LRIT3: variants seen among roughly 807,000 people sequenced by gnomAD.
The protein encoded by LRIT3 is leucine rich repeat, Ig-like and transmembrane domains 3, also known as leucine-rich repeat, immunoglobulin-like domain and transmembrane domain-containing protein 3.
In LRIT3, 14 loss-of-function variants were observed where a neutral mutation model predicts 22.6. The observed-to-expected ratio is 0.62, with a 90% CI of 0.41 to 0.97. LRIT3 has a LOEUF of 0.97. LRIT3 is among the 50% of genes least tolerant of loss of function. LRIT3 has a pLI of 0.00. For synonymous variants in LRIT3, 306 were observed against 304.5 expected, an observed-to-expected ratio of 1.01 and a Z score of -0.05; for missense variants, 783 against 803.0, an observed-to-expected ratio of 0.98 and a Z score of 0.30.
At position 109,854,814 on chromosome 4, in the gene LRIT3, G is replaced by A. The variant is rs372388300; in HGVS notation, c.589+2838G>A. ...GAATTTTATAGAAGGCCTTTTCTGC[G>A]ACTATTGAGATAATCATGTGCTTTT... On this transcript the variant is annotated intron_variant, in intron 2 of 3. Coordinates refer to ENST00000594814, the MANE Select transcript of LRIT3 (RefSeq NM_198506.5). Among the ~76,000 whole-genome samples the A allele has an allele frequency of 7.8e-4, 119 of 152,116 alleles. 1 individual carries two copies. Among genetic ancestry groups the A allele is most frequent in the African/African-American group, 2.5e-3 (103 of 41,528 alleles).
rs1343681566 is a variant in LRIT3 at position 109,871,670 on chromosome 4, A to G, written c.*881A>G. Reference sequence around the variant, plus strand: ...CGAGCCAAGCTGTTTGTCTTTTGCCATATTGTCTTTTGATTCTCTTGATAA... The same window carrying G: ...CGAGCCAAGCTGTTTGTCTTTTGCCGTATTGTCTTTTGATTCTCTTGATAA... On this transcript the variant is annotated 3_prime_UTR_variant, in exon 4 of 4. Transcript: ENST00000594814. 3 of 151,986 alleles carry G rather than the reference A, an allele frequency of 2.0e-5. No homozygotes were observed. Among genetic ancestry groups the G allele is most frequent in the East Asian group, 1.9e-4 (1 of 5,192 alleles). 9.4% of individuals were successfully genotyped at this position (151,986 alleles called of 1,614,324 possible).
chr4:109,871,862 A>G lies in LRIT3; in HGVS notation c.*1073A>G, dbSNP rs1358838081. On this transcript the variant is annotated 3_prime_UTR_variant, in exon 4 of 4. Coordinates refer to ENST00000594814, the MANE Select transcript of LRIT3 (RefSeq NM_198506.5). ...AAATACATAGGAAAGGAGTTCACAAATAAAATTTAGTTTTTTTAGAAAGAG... is the reference window on the plus strand; with the variant it reads ...AAATACATAGGAAAGGAGTTCACAAGTAAAATTTAGTTTTTTTAGAAAGAG... 6.6e-6 allele frequency: 1 copy of G among 152,222 alleles called. No individual in the cohort carries two copies. The highest frequency in any genetic ancestry group is 2.4e-5 in the African/African-American group (1 of 41,458). 9.4% of individuals were successfully genotyped at this position (152,222 alleles called of 1,614,324 possible). A position where few individuals can be genotyped will look rare whatever the true frequency, so the allele number is the denominator to read the frequency against.
intron 2 of LRIT3, among the ~76,000 whole-genome samples, chr4:109,858,312 T>C (rs1171309926): frequency 6.6e-6 from 1 of 152,138 alleles, no homozygotes; most frequent in Non-Finnish European, 1.5e-5. Context: ...CCTGGATCGC[T>C]GGAGACAAGT....
chr4:109,851,368 G>A, intron 1 of LRIT3, 136 bp from the exon 2 acceptor site: 6 of 1,237,418 alleles, frequency 4.8e-6, no homozygotes, highest in Non-Finnish European at 3.3e-6. Context: ...GCCCTCCTCG[G>A]CCTCCCAAAG....
rs753390159 is a variant in LRIT3, at chr4:109,870,887, A to T, written c.*98A>T. 2.3e-5 allele frequency: 29 copies of T among 1,251,704 alleles called. No individual in the cohort carries two copies. Among genetic ancestry groups the T allele is most frequent in the Non-Finnish European group, 3.0e-5 (28 of 921,568 alleles). The allele number at this position is 1,251,704 out of a possible 1,614,324, so 77.5% of individuals were successfully genotyped here. On this transcript the variant is annotated 3_prime_UTR_variant, in exon 4 of 4. Coordinates refer to ENST00000594814, the MANE Select transcript of LRIT3 (RefSeq NM_198506.5). ...ACTTTTGGACAGACTTTCACATTGT[A>T]CATGAAAATCACAAATGGAATGCTT... is the stretch of plus-strand genomic sequence containing the variant.
chr4:109,860,434 G>T (rs1277353132), intron 2 of LRIT3, among the ~76,000 whole-genome samples: 1 of 152,168 alleles, frequency 6.6e-6, no homozygotes, highest in Admixed American at 6.5e-5. Context: ...CATAGGTAAG[G>T]TTTATGCCTT....
chr4:109,867,924 C>G lies in LRIT3; in HGVS notation c.873C>G (p.Asp291Glu). The change falls in exon 3 of 4, where the codon GAC becomes GAG. Residue 291 changes from aspartate to glutamate, a missense_variant. This residue lies in a region of LRIT3 where 756 missense variants were observed against 753.8 expected (regional missense o/e 1.00). Coordinates refer to ENST00000594814, the MANE Select transcript of LRIT3 (RefSeq NM_198506.5). ...PTPQITWTRS[D>E]SSPVNYTVIQ... Reference sequence around the variant, plus strand: ...CACAGATCACATGGACCAGATCTGACAGCTCGCCAGTTAATTATACAGGTA... The same window carrying G: ...CACAGATCACATGGACCAGATCTGAGAGCTCGCCAGTTAATTATACAGGTA... 6.2e-7 allele frequency: 1 copy of G among 1,610,808 alleles called. No individual in the cohort carries two copies. The highest frequency in any genetic ancestry group is 8.5e-7 in the Non-Finnish European group (1 of 1,177,958).
chr4:109,867,191 A>G (rs1178364282), intron 2 of LRIT3, among the ~76,000 whole-genome samples: 3 of 152,064 alleles, frequency 2.0e-5, no homozygotes, highest in African/African-American at 2.4e-5. Context: ...ATGGCATTCT[A>G]TGGTACCTGG....
chr4:109,854,557 AC>A (rs1734355031), intron 2 of LRIT3, among the ~76,000 whole-genome samples: 1 of 152,180 alleles, frequency 6.6e-6, no homozygotes, highest in African/African-American at 2.4e-5. Flanking sequence ...CTATTTGAAT[AC>A]CCTTTATTTC....
At chr4:109,861,048 T>C (rs980867284) in intron 2 of LRIT3, among the ~76,000 whole-genome samples, 8 of 152,166 alleles carry the variant, frequency 5.3e-5, no homozygotes, top group African/African-American at 1.9e-4. Flanking sequence ...TTGGATAAAT[T>C]CCTAGAATTG....
chr4:109,856,908 G>C (rs1052287189), intron 2 of LRIT3, among the ~76,000 whole-genome samples: 1 of 152,060 alleles, frequency 6.6e-6, no homozygotes, highest in Non-Finnish European at 1.5e-5. Context: ...CAGCAATCAA[G>C]CCCATTATTA....
At chr4:109,867,977 G>A in intron 3 of LRIT3, 31 bp downstream of exon 3, 1 of 1,580,120 alleles carries the variant, frequency 6.3e-7, no homozygotes, top group Non-Finnish European at 8.6e-7. Context: ...CATGATCAAA[G>A]GAGTTTACTA....
At chr4:109,865,034 T>C in intron 2 of LRIT3, 1 of 1,394,586 alleles carries the variant, frequency 7.2e-7, no homozygotes, top group Non-Finnish European at 9.3e-7. Context: ...TTCTGCTTTT[T>C]ACTGAGTGAT....
chr4:109,870,265 A>G lies in LRIT3; in HGVS notation c.1516A>G (p.Met506Val). The G allele has an allele frequency of 6.2e-7, 1 of 1,614,216 alleles. No individual in the cohort carries two copies. Among genetic ancestry groups the G allele is most frequent in the South Asian group, 1.1e-5 (1 of 91,082 alleles). Residue 506 changes from methionine (M) to valine (V), a missense_variant, in exon 4 of 4, where the codon ATG becomes GTG. Met to Val is a conservative substitution (Grantham distance 21). This residue lies in a region of LRIT3 where 756 missense variants were observed against 753.8 expected (regional missense o/e 1.00). Transcript: ENST00000594814. ...TKESVTLTWN[M>V]INTTHNSAVT... ...AGAGAGTGTGACATTGACGTGGAATATGATCAACACCACACATAACTCTGC... is the reference window on the plus strand; with the variant it reads ...AGAGAGTGTGACATTGACGTGGAATGTGATCAACACCACACATAACTCTGC...
At chr4:109,867,978 G>A (rs1337461783) in intron 3 of LRIT3, 32 bp downstream of exon 3, 1 of 1,576,646 alleles carries the variant, frequency 6.3e-7, no homozygotes, top group Non-Finnish European at 8.6e-7. Flanking sequence ...ATGATCAAAG[G>A]AGTTTACTAA....
intron 2 of LRIT3, chr4:109,865,398 T>A: frequency 8.4e-7 from 1 of 1,188,766 alleles, no homozygotes; most frequent in Non-Finnish European, 1.2e-6. Flanking sequence ...TATCTGGTGG[T>A]GAAATGGGTT....
intron 2 of LRIT3, among the ~76,000 whole-genome samples, chr4:109,860,208 A>G (rs993902933): frequency 1.3e-5 from 2 of 152,206 alleles, no homozygotes; most frequent in Non-Finnish European, 2.9e-5. Context: ...TAAAACATAA[A>G]ATGCTTTTTT....
chr4:109,869,893 G>T lies in LRIT3; in HGVS notation c.1144G>T (p.Ala382Ser), dbSNP rs761341365. The T allele has an allele frequency of 1.9e-6, 3 of 1,614,112 alleles. No homozygotes were observed. Among genetic ancestry groups the T allele is most frequent in the Non-Finnish European group, 2.5e-6 (3 of 1,180,008 alleles). ...GSGRSTSVSS[A>S]SSYLWSSSFS... ...TGGAAGATCTACATCTGTATCTAGCGCATCATCATATCTTTGGTCCTCTTC... is the reference window on the plus strand; with the variant it reads ...TGGAAGATCTACATCTGTATCTAGCTCATCATCATATCTTTGGTCCTCTTC... The change falls in exon 4 of 4, where the codon GCA becomes TCA. Residue 382 changes from alanine to serine, a missense_variant. Transcript: ENST00000594814.
intron 2 of LRIT3, among the ~76,000 whole-genome samples, chr4:109,854,595 T>C (rs562166827): frequency 8.5e-5 from 13 of 152,326 alleles, no homozygotes; most frequent in Admixed American, 7.9e-4. Flanking sequence ...TGGCCAGAGC[T>C]TCCAATACTG....
Sources: gnomAD v4.1 joint callset for allele counts (sites outside exome capture counted in the v4.1 genomes callset) on GRCh38, gnomAD v4.1.1 for gene constraint, gnomAD v4.1.1 regional missense constraint, MANE v1.5 for transcripts, NCBI Gene and HGNC (gene_info 2026-07-23, HGNC 2026-07-21) for gene names.